Variants in CTDSPL observed in about 807,000 individuals in gnomAD.
CTDSPL encodes the protein CTD small phosphatase-like protein.
In CTDSPL, 8 loss-of-function variants were observed where a neutral mutation model predicts 30.5. That is an observed-to-expected ratio of 0.26 (90% confidence interval 0.15 to 0.47). The LOEUF is 0.47. Ranked by LOEUF, CTDSPL falls within the 20% of genes least tolerant of loss-of-function variation. CTDSPL has a pLI of 0.99. For missense variants in CTDSPL, 248 were observed against 366.1 expected (o/e 0.68, Z 2.63); for synonymous variants, 110 against 137.9 (o/e 0.80, Z 1.42).
chr3:37,950,743 G>A (rs1699097282), intron 2 of CTDSPL, among the ~76,000 whole-genome samples: 2 of 152,210 alleles, frequency 1.3e-5, no homozygotes, highest in Admixed American at 6.5e-5. Flanking sequence ...AGCAGGATTA[G>A]TAGAGGAGCA....
At chr3:37,941,760 T>A (rs1698981348) in intron 1 of CTDSPL, among the ~76,000 whole-genome samples, 1 of 150,278 alleles carries the variant, frequency 6.7e-6, no homozygotes, top group Non-Finnish European at 1.5e-5. Flanking sequence ...TGCCCCGGGC[T>A]GAGCCTTGGG....
At chr3:37,906,214 G>A (rs1698513743) in intron 1 of CTDSPL, among the ~76,000 whole-genome samples, 3 of 152,102 alleles carry the variant, frequency 2.0e-5, no homozygotes, top group South Asian at 2.1e-4. Flanking sequence ...ACAGGAGATC[G>A]GAGGAAGTAT....
chr3:37,964,198 T>A (rs1699274125), intron 3 of CTDSPL, among the ~76,000 whole-genome samples: 1 of 152,154 alleles, frequency 6.6e-6, no homozygotes, highest in Non-Finnish European at 1.5e-5. Context: ...TCTTGTGTAA[T>A]CCATTTTAAT....
chr3:37,890,997 T>G (rs1698319225), intron 1 of CTDSPL, among the ~76,000 whole-genome samples: 1 of 152,192 alleles, frequency 6.6e-6, no homozygotes, highest in Non-Finnish European at 1.5e-5. Flanking sequence ...CTTCACTGTC[T>G]GAAGCTTGCC....
chr3:37,911,894 A>G (rs1280808809), intron 1 of CTDSPL: 3 of 305,906 alleles, frequency 9.8e-6, no homozygotes, highest in African/African-American at 2.2e-5. Context: ...GCTCGTCTCT[A>G]CTAAAATACA....
At position 37,962,680 on chromosome 3, in the gene CTDSPL, A is replaced by G. The variant is rs75213075; in HGVS notation, c.268-1891A>G. Among the ~76,000 whole-genome samples the G allele has an allele frequency of 4.1e-3, 629 of 152,366 alleles. 5 individuals carry two copies. The highest frequency in any genetic ancestry group is 0.014 in the African/African-American group (601 of 41,590). ...TTTCTAGATCCTTATTTTCCAGGCT[A>G]ACAATTAAATTAATAAGTTAAAACA... On this transcript the variant is annotated intron_variant, in intron 3 of 7. Coordinates refer to ENST00000273179, the MANE Select transcript of CTDSPL (RefSeq NM_001008392.2).
chr3:37,888,659 C>T (rs539865402), intron 1 of CTDSPL, among the ~76,000 whole-genome samples: 2 of 152,290 alleles, frequency 1.3e-5, no homozygotes, highest in South Asian at 2.1e-4. Flanking sequence ...ACATAGATTG[C>T]GTAGTATTTA....
At chr3:37,874,317 G>T (rs572704142) in intron 1 of CTDSPL, among the ~76,000 whole-genome samples, 59 of 152,294 alleles carry the variant, frequency 3.9e-4, no homozygotes, top group African/African-American at 1.4e-3. Flanking sequence ...TTCCCTTTTG[G>T]TGATGTTGAG....
chr3:37,954,149 G>A (rs1011304435), intron 2 of CTDSPL, among the ~76,000 whole-genome samples: 1 of 152,196 alleles, frequency 6.6e-6, no homozygotes, highest in African/African-American at 2.4e-5. Flanking sequence ...TGGCATGGCA[G>A]CCCTGGAAGC....
intron 1 of CTDSPL, among the ~76,000 whole-genome samples, chr3:37,903,696 A>G (rs957350705): frequency 2.0e-5 from 3 of 152,212 alleles, no homozygotes; most frequent in African/African-American, 2.4e-5. Flanking sequence ...ACTCCTCTCA[A>G]TTTGAGCTGT....
intron 2 of CTDSPL, among the ~76,000 whole-genome samples, chr3:37,949,269 C>T (rs995866247): frequency 6.6e-6 from 1 of 152,152 alleles, no homozygotes; most frequent in African/African-American, 2.4e-5. Context: ...TTGGCAATAT[C>T]ATCTTAAAGC....
chr3:37,887,444 A>G (rs1698275914), intron 1 of CTDSPL, among the ~76,000 whole-genome samples: 1 of 152,188 alleles, frequency 6.6e-6, no homozygotes, highest in Non-Finnish European at 1.5e-5. Context: ...TATAGTGATG[A>G]GGGCAAGGCT....
chr3:37,908,395 T>C (rs1013279179), intron 1 of CTDSPL, among the ~76,000 whole-genome samples: 10 of 152,210 alleles, frequency 6.6e-5, no homozygotes, highest in Non-Finnish European at 1.3e-4. Context: ...TTTAATATCT[T>C]TATCTCAATT....
At chr3:37,879,543 C>T (rs151135223) in intron 1 of CTDSPL, among the ~76,000 whole-genome samples, 1 of 152,338 alleles carries the variant, frequency 6.6e-6, no homozygotes, top group East Asian at 1.9e-4. Flanking sequence ...CTTGTTGAGC[C>T]TAAACACCAT....
chr3:37,902,984 T>G (rs1241916818), intron 1 of CTDSPL, among the ~76,000 whole-genome samples: 2 of 152,228 alleles, frequency 1.3e-5, no homozygotes, highest in Non-Finnish European at 2.9e-5. Context: ...AACACCGTTC[T>G]GAAGTTGAAT....
intron 1 of CTDSPL, among the ~76,000 whole-genome samples, chr3:37,886,589 G>A (rs959163559): frequency 2.0e-5 from 3 of 152,178 alleles, no homozygotes; most frequent in African/African-American, 4.8e-5. Flanking sequence ...TCTTACTAAT[G>A]AGGTGCCTGA....
At chr3:37,891,631 A>AT (rs1208250159) in intron 1 of CTDSPL, among the ~76,000 whole-genome samples, 1 of 152,242 alleles carries the variant, frequency 6.6e-6, no homozygotes, top group Non-Finnish European at 1.5e-5. Context: ...TAATGGAAGC[A>AT]TTTTTTAAAA....
chr3:37,971,022 A>G (rs1298977765), intron 5 of CTDSPL, among the ~76,000 whole-genome samples: 1 of 152,214 alleles, frequency 6.6e-6, no homozygotes, highest in Non-Finnish European at 1.5e-5. Context: ...CAACACCCAG[A>G]CCGTGGCCCG....
intron 6 of CTDSPL, 91 bp downstream of exon 6, chr3:37,971,590 G>C (rs1275063403): frequency 2.5e-6 from 3 of 1,181,110 alleles, no homozygotes; most frequent in Non-Finnish European, 3.7e-6. Context: ...CCTTTGTTTT[G>C]GTGGGGGAAG....
Sources: gnomAD v4.1 joint callset for allele counts (sites outside exome capture counted in the v4.1 genomes callset) on GRCh38, gnomAD v4.1.1 for gene constraint, MANE v1.5 for transcripts, NCBI Gene and HGNC (gene_info 2026-07-23, HGNC 2026-07-21) for gene names.